ATP6V0A2: variants seen among roughly 807,000 people sequenced by gnomAD.
ATP6V0A2 encodes the protein V-type proton ATPase 116 kDa subunit a 2.
Under a neutral mutation model 104.4 loss-of-function variants are expected in ATP6V0A2, and 58 were observed. The observed-to-expected ratio is 0.56, with a 90% CI of 0.45 to 0.69. The LOEUF is 0.69. Among genes scored for constraint, ATP6V0A2 ranks in the 30% least tolerant of loss-of-function variants. The pLI, the probability that ATP6V0A2 is intolerant of heterozygous loss-of-function variation, is 0.00. For synonymous variants in ATP6V0A2, 376 were observed against 397.9 expected, an observed-to-expected ratio of 0.95 and a Z score of 0.65; for missense variants, 938 against 1,062.9, an observed-to-expected ratio of 0.88 and a Z score of 1.63.
chr12:123,716,647 C>T (rs376411167), intron 1 of ATP6V0A2, among the ~76,000 whole-genome samples: 6 of 151,902 alleles, frequency 3.9e-5, no homozygotes, highest in South Asian at 2.1e-4. Flanking sequence ...AAAAATTAGC[C>T]GGGTGTGGTG....
intron 4 of ATP6V0A2, 23 bp downstream of exon 4, chr12:123,724,814 A>C: frequency 1.2e-6 from 2 of 1,609,654 alleles, no homozygotes; most frequent in South Asian, 2.2e-5. Context: ...TCGTGAGGAA[A>C]TACAGCTGTT....
At position 123,748,680 on chromosome 12, in the gene ATP6V0A2, G is replaced by A; in HGVS notation, c.1830G>A (p.Leu610=). 4.3e-6 allele frequency: 7 copies of A among 1,614,056 alleles called. No homozygotes were observed. The highest frequency in any genetic ancestry group is 1.6e-4 in the Middle Eastern group (1 of 6,062). Residue 610 remains leucine, a synonymous_variant, in exon 15 of 20, where the codon CTG becomes CTA. Coordinates refer to ENST00000330342, the MANE Select transcript of ATP6V0A2 (RefSeq NM_012463.4). The part of the protein sequence containing the change: ...YLIFMIFYKW[L]VFSAETSRVA... Reference sequence around the variant, plus strand: ...TATTTATGATTTTCTACAAGTGGCTGGTTTTTTCAGCAGAAACCTCCAGAG... The same window carrying A: ...TATTTATGATTTTCTACAAGTGGCTAGTTTTTTCAGCAGAAACCTCCAGAG...
chr12:123,749,690 G>A, intron 15 of ATP6V0A2, among the ~76,000 whole-genome samples: 1 of 152,218 alleles, frequency 6.6e-6, no homozygotes, highest in East Asian at 1.9e-4. Flanking sequence ...CTTACATTGA[G>A]GGTCTTTCTG....
At chr12:123,740,487 A>G (rs770201754) in intron 9 of ATP6V0A2, among the ~76,000 whole-genome samples, 7 of 152,352 alleles carry the variant, frequency 4.6e-5, no homozygotes, top group Non-Finnish European at 8.8e-5. Flanking sequence ...CTGGGATTAC[A>G]GGCGTGAGCC....
chr12:123,712,948 A>T (rs1418671300), intron 1 of ATP6V0A2, among the ~76,000 whole-genome samples: 1 of 152,122 alleles, frequency 6.6e-6, no homozygotes, highest in Non-Finnish European at 1.5e-5. Flanking sequence ...AGCTCCGGGC[A>T]CCGAGCTCAG....
intron 13 of ATP6V0A2, among the ~76,000 whole-genome samples, chr12:123,746,808 A>G (rs10744161): frequency 0.61 from 92,200 of 151,452 alleles, 28,616 homozygotes; most frequent in East Asian, 0.95. Flanking sequence ...TCAGCCAGGC[A>G]TGCTGGTCCA....
At chr12:123,714,031 C>T (rs1593879519) in intron 1 of ATP6V0A2, among the ~76,000 whole-genome samples, 1 of 152,160 alleles carries the variant, frequency 6.6e-6, no homozygotes, top group Non-Finnish European at 1.5e-5. Flanking sequence ...ATGGATGCTG[C>T]GCTGAGCTGT....
At chr12:123,754,375 A>C (rs372041842) in intron 17 of ATP6V0A2, 45 bp from the exon 18 acceptor site, 1 of 1,416,346 alleles carries the variant, frequency 7.1e-7, no homozygotes, top group African/African-American at 1.4e-5. Flanking sequence ...AGAAGTACAC[A>C]TGTAACATCA....
intron 5 of ATP6V0A2, among the ~76,000 whole-genome samples, chr12:123,726,827 C>T (rs1279331247): frequency 1.3e-5 from 2 of 152,184 alleles, no homozygotes; most frequent in African/African-American, 4.8e-5. Context: ...TTTGTTTTGA[C>T]ATTTGTCAGG....
intron 9 of ATP6V0A2, among the ~76,000 whole-genome samples, chr12:123,742,119 G>T (rs1956615470): frequency 6.6e-6 from 1 of 152,212 alleles, no homozygotes; most frequent in Non-Finnish European, 1.5e-5. Context: ...TTAGGGACTG[G>T]GCTGCCCTGC....
At chr12:123,757,546 G>C (rs1174678117) in intron 19 of ATP6V0A2, among the ~76,000 whole-genome samples, 1 of 152,146 alleles carries the variant, frequency 6.6e-6, no homozygotes, top group African/African-American at 2.4e-5. Flanking sequence ...ATTCACTTTG[G>C]GTCTGACAGG....
At chr12:123,752,884 T>G (rs759276078) in intron 17 of ATP6V0A2, among the ~76,000 whole-genome samples, 2 of 152,230 alleles carry the variant, frequency 1.3e-5, no homozygotes, top group African/African-American at 4.8e-5. Flanking sequence ...TTCTTTATAT[T>G]GTGAAGTCAG....
rs947331947 is a variant in ATP6V0A2, at chr12:123,758,814, G to A, written c.*782G>A. On this transcript the variant is annotated 3_prime_UTR_variant, in exon 20 of 20. Transcript: ENST00000330342. ...TGGGATTACAGGCGTGAGCCACCAT[G>A]CCTGGCCAAAATATGCAAATATTTT... is the stretch of plus-strand genomic sequence containing the variant. 6.6e-6 allele frequency: 1 copy of A among 152,156 alleles called. No homozygotes were observed. Among genetic ancestry groups the A allele is most frequent in the African/African-American group, 2.4e-5 (1 of 41,438 alleles). 9.4% of individuals were successfully genotyped at this position (152,156 alleles called of 1,614,324 possible).
At chr12:123,756,497 G>C (rs183529767) in intron 18 of ATP6V0A2, 5 of 332,850 alleles carry the variant, frequency 1.5e-5, no homozygotes, top group African/African-American at 1.0e-4. Context: ...GGCAGAACCA[G>C]GCCTGGGAGC....
chr12:123,745,168 T>C (rs1956649305), intron 13 of ATP6V0A2, among the ~76,000 whole-genome samples, 196 bp downstream of exon 13: 1 of 152,146 alleles, frequency 6.6e-6, no homozygotes, highest in Non-Finnish European at 1.5e-5. Flanking sequence ...TTTGGGAAGG[T>C]GAGGTCAGAG....
chr12:123,717,951 G>A (rs112325438), intron 1 of ATP6V0A2, among the ~76,000 whole-genome samples: 3,083 of 151,558 alleles, frequency 0.02, 47 homozygotes, highest in African/African-American at 0.034. Context: ...TTGACCCAGG[G>A]TCTCACTGTG....
chr12:123,732,224 T>G (rs1956507885), intron 6 of ATP6V0A2: 1 of 152,636 alleles, frequency 6.6e-6, no homozygotes. Flanking sequence ...TCAGCAGATC[T>G]GGTGGCCATG....
chr12:123,749,175 G>A (rs1459101567), intron 15 of ATP6V0A2, among the ~76,000 whole-genome samples: 3 of 152,160 alleles, frequency 2.0e-5, no homozygotes, highest in Non-Finnish European at 4.4e-5. Flanking sequence ...TGTAGTCCGA[G>A]CTACTTGGGA....
rs1179003332 is a variant in ATP6V0A2 at position 123,744,997 on chromosome 12, G to T, written c.1605+25G>T. ...TGTGAGTGCACCACGCTCTGTCGTTGTCTCTGGATGCTCTGTGGTGCCACC... is the reference window on the plus strand; with the variant it reads ...TGTGAGTGCACCACGCTCTGTCGTTTTCTCTGGATGCTCTGTGGTGCCACC... On this transcript the variant is annotated intron_variant, in intron 13 of 19. Transcript: ENST00000330342. The surrounding 1 kb of genome is among the most constrained non-coding windows in gnomAD (Gnocchi z 5.4). 6.2e-7 allele frequency: 1 copy of T among 1,607,892 alleles called. No homozygotes were observed. The highest frequency in any genetic ancestry group is 1.7e-5 in the Admixed American group (1 of 59,980).
Sources: gnomAD v4.1 joint callset for allele counts (sites outside exome capture counted in the v4.1 genomes callset) on GRCh38, gnomAD v4.1.1 for gene constraint, Gnocchi (gnomAD v3.1) non-coding constraint, MANE v1.5 for transcripts, NCBI Gene and HGNC (gene_info 2026-07-23, HGNC 2026-07-21) for gene names.